EPHA6: variants seen among roughly 807,000 people sequenced by gnomAD.
EPHA6 encodes the protein EPH receptor A6, also known as ephrin type-A receptor 6.
A neutral mutation model predicts 112.0 loss-of-function variants in EPHA6; 50 were observed. That is an observed-to-expected ratio of 0.45 (90% CI 0.36 to 0.56). EPHA6 has a LOEUF of 0.56. Ranked by LOEUF, EPHA6 falls within the 20% of genes least tolerant of loss-of-function variation. The pLI, the probability that EPHA6 is intolerant of heterozygous loss-of-function variation, is 0.00. For missense variants in EPHA6, 1,280 were observed against 1,417.4 expected (o/e 0.90, Z 1.56); for synonymous variants, 529 against 490.7 (o/e 1.08, Z -1.03).
At chr3:97,725,156 T>C (rs1398465703) in intron 15 of EPHA6, among the ~76,000 whole-genome samples, 2 of 152,172 alleles carry the variant, frequency 1.3e-5, no homozygotes, top group Non-Finnish European at 2.9e-5. Flanking sequence ...ATTGACCTCA[T>C]TCTCTCCTAC....
At chr3:97,050,198 A>T (rs1365279268) in intron 3 of EPHA6, among the ~76,000 whole-genome samples, 1 of 152,168 alleles carries the variant, frequency 6.6e-6, no homozygotes, top group African/African-American at 2.4e-5. Context: ...TGAAAAGTTC[A>T]TGGTGGGAAC....
At chr3:96,952,731 A>G (rs1017508825) in intron 2 of EPHA6, among the ~76,000 whole-genome samples, 1 of 152,034 alleles carries the variant, frequency 6.6e-6, no homozygotes, top group African/African-American at 2.4e-5. Flanking sequence ...TAGGTTGTCT[A>G]TTTACTCGGT....
intron 13 of EPHA6, among the ~76,000 whole-genome samples, chr3:97,628,225 A>C (rs1480881076): frequency 6.6e-6 from 1 of 151,986 alleles, no homozygotes; most frequent in Non-Finnish European, 1.5e-5. Context: ...GAAATGGTCA[A>C]AGTCTATGAT....
intron 11 of EPHA6, among the ~76,000 whole-genome samples, chr3:97,543,904 G>T (rs1366037159): frequency 8.5e-5 from 13 of 152,168 alleles, no homozygotes; most frequent in Admixed American, 2.6e-4. Flanking sequence ...TCTGTTATTG[G>T]TGTATAAGAA....
rs1275563882 is a variant in EPHA6, at chr3:97,758,899, A to G, written c.*10198A>G. Among the ~76,000 whole-genome samples the G allele has an allele frequency of 4.6e-5, 7 of 151,968 alleles. No individual in the cohort carries two copies. Among genetic ancestry groups the G allele is most frequent in the Non-Finnish European group, 1.0e-4 (7 of 67,886 alleles). The stretch of plus-strand genomic sequence containing the variant: ...CTTGGTACACTGAAATGAGGCAAAA[A>G]GAGGAGAAGGTATACGCATGAGGCT... On this transcript the variant is annotated 3_prime_UTR_variant, in exon 18 of 18. Coordinates refer to ENST00000389672, the MANE Select transcript of EPHA6 (RefSeq NM_001080448.3).
At chr3:97,548,101 T>A (rs1413215129) in intron 11 of EPHA6, among the ~76,000 whole-genome samples, 1 of 152,194 alleles carries the variant, frequency 6.6e-6, no homozygotes, top group Non-Finnish European at 1.5e-5. Context: ...CACTCCCCAG[T>A]GAGATGAACC....
chr3:97,115,247 C>A (rs1432014245), intron 3 of EPHA6, among the ~76,000 whole-genome samples: 1 of 151,476 alleles, frequency 6.6e-6, no homozygotes, highest in Admixed American at 6.6e-5. Flanking sequence ...GGTCATATTA[C>A]GTAGAACAGA....
At chr3:97,193,065 G>A (rs535951186) in intron 3 of EPHA6, among the ~76,000 whole-genome samples, 2 of 152,156 alleles carry the variant, frequency 1.3e-5, no homozygotes, top group South Asian at 4.2e-4. Context: ...CCTGGAGTCA[G>A]GTAATGTGAT....
Position 97,234,395 on chromosome 3 carries a change from A to G in EPHA6, c.1270+7976A>G, listed in dbSNP as rs185058145. On this transcript the variant is annotated intron_variant, in intron 4 of 17. Transcript: ENST00000389672. ...AAAATCATCGTCATTGGCTATGTCTACTTTTCACTTTTAATTTGCTTTTTA... is the reference window on the plus strand; with the variant it reads ...AAAATCATCGTCATTGGCTATGTCTGCTTTTCACTTTTAATTTGCTTTTTA... 3.3e-4 allele frequency among the ~76,000 whole-genome samples: 50 copies of G among 152,186 alleles called. No individual in the cohort carries two copies. In the East Asian group the frequency reaches 8.7e-3, roughly 27 times the overall value.
chr3:97,716,574 C>CAAAAAAA (rs1218426459), intron 14 of EPHA6, among the ~76,000 whole-genome samples: 8 of 37,222 alleles, frequency 2.1e-4, no homozygotes, highest in Non-Finnish European at 2.4e-4. Context: ...GACTCCGTCT[C>CAAAAAAA]AAAAAAAAAA....
intron 1 of EPHA6, among the ~76,000 whole-genome samples, chr3:96,836,636 A>T (rs1265167310): frequency 6.6e-6 from 1 of 152,172 alleles, no homozygotes; most frequent in African/African-American, 2.4e-5. Flanking sequence ...ACTGTGATTC[A>T]TGTTGGCATT....
chr3:97,328,506 G>C (rs780243584), intron 5 of EPHA6, among the ~76,000 whole-genome samples: 2 of 151,748 alleles, frequency 1.3e-5, no homozygotes, highest in African/African-American at 4.8e-5. Flanking sequence ...TCAGTGAATT[G>C]TCTTTTCATA....
intron 5 of EPHA6, among the ~76,000 whole-genome samples, chr3:97,368,197 A>T (rs1577117485): frequency 6.6e-6 from 1 of 152,286 alleles, no homozygotes; most frequent in East Asian, 1.9e-4. Flanking sequence ...GTTAATCTTA[A>T]CAGGAAAACC....
At chr3:97,460,217 TCTC>T (rs1200133073) in intron 7 of EPHA6, among the ~76,000 whole-genome samples, 1 of 152,220 alleles carries the variant, frequency 6.6e-6, no homozygotes, top group Non-Finnish European at 1.5e-5. Flanking sequence ...TCATGAGGAT[TCTC>T]CTCTTTAGAA....
At chr3:96,997,578 A>G (rs981921780) in intron 3 of EPHA6, among the ~76,000 whole-genome samples, 3 of 151,988 alleles carry the variant, frequency 2.0e-5, no homozygotes, top group Non-Finnish European at 4.4e-5. Flanking sequence ...GGAACACACC[A>G]TATTTATTTA....
intron 1 of EPHA6, among the ~76,000 whole-genome samples, chr3:96,862,859 C>G (rs2036087263): frequency 6.6e-6 from 1 of 151,742 alleles, no homozygotes; most frequent in Admixed American, 6.6e-5. Flanking sequence ...TTGATATTGT[C>G]TTTTAAAACA....
chr3:97,598,028 A>C (rs2093608642), intron 12 of EPHA6, among the ~76,000 whole-genome samples: 1 of 152,236 alleles, frequency 6.6e-6, no homozygotes, highest in African/African-American at 2.4e-5. Context: ...GGAAAAGTAT[A>C]TGCATTTTAA....
At chr3:97,441,674 T>C (rs1174462631) in intron 6 of EPHA6, among the ~76,000 whole-genome samples, 1 of 152,072 alleles carries the variant, frequency 6.6e-6, no homozygotes, top group African/African-American at 2.4e-5. Context: ...TACATACTTT[T>C]TGTGATATAT....
chr3:97,749,082 G>C lies in EPHA6; in HGVS notation c.*381G>C. The C allele has an allele frequency of 4.1e-6, 1 of 241,136 alleles. No individual in the cohort carries two copies. The highest frequency in any genetic ancestry group is 1.6e-4 in the South Asian group (1 of 6,158). 14.9% of individuals were successfully genotyped at this position (241,136 alleles called of 1,614,324 possible). On this transcript the variant is annotated 3_prime_UTR_variant, in exon 18 of 18. Coordinates refer to ENST00000389672, the MANE Select transcript of EPHA6 (RefSeq NM_001080448.3). ...TGTGATGGTAGATGAGAAAGAACTA[G>C]TTGACCTTTCTTTCATGTTTTGTGA...
Sources: allele counts gnomAD v4.1 joint callset (sites outside exome capture counted in the v4.1 genomes callset), GRCh38; gene constraint gnomAD v4.1.1; transcripts MANE v1.5; gene names NCBI Gene and HGNC (gene_info 2026-07-23, HGNC 2026-07-21).